IL1R1: variants seen among roughly 807,000 people sequenced by gnomAD.
IL1R1 encodes interleukin-1 receptor type 1.
Under a neutral mutation model 50.2 loss-of-function variants are expected in IL1R1, and 22 were observed. That is an observed-to-expected ratio of 0.44 (90% CI 0.31 to 0.63). IL1R1 has a LOEUF of 0.63. Among genes scored for constraint, IL1R1 ranks in the 20% least tolerant of loss-of-function variants. IL1R1 has a pLI of 0.07. For missense variants in IL1R1, 509 were observed against 676.2 expected, an observed-to-expected ratio of 0.75 and a Z score of 2.74; for synonymous variants, 251 against 236.7, an observed-to-expected ratio of 1.06 and a Z score of -0.55.
At chr2:102,087,922 A>C (rs1396453668) in intron 1 of IL1R1, among the ~76,000 whole-genome samples, 1 of 152,198 alleles carries the variant, frequency 6.6e-6, no homozygotes, top group South Asian at 2.1e-4. Flanking sequence ...TCTTTGCTCA[A>C]CCATAAGAAA....
In IL1R1 at chr2:102,157,717, A is replaced by G. The variant is rs1311761327; in HGVS notation, c.-6-2A>G. 3.8e-6 allele frequency: 6 copies of G among 1,588,574 alleles called. No homozygotes were observed. Among genetic ancestry groups the G allele is most frequent in the Non-Finnish European group, 5.2e-6 (6 of 1,157,796 alleles). ...CTTTCTTTCGTTCCTCCATTTCTCC[A>G]GAAGAATATGAAAGTGTTACTCAGA... On this transcript the variant is annotated splice_acceptor_variant, in intron 2 of 11. Coordinates refer to ENST00000410023, the MANE Select transcript of IL1R1 (RefSeq NM_000877.4). LOFTEE classifies it low-confidence loss of function (5UTR_SPLICE).
chr2:102,073,299 T>G (rs2104267405), intron 1 of IL1R1, among the ~76,000 whole-genome samples: 1 of 152,244 alleles, frequency 6.6e-6, no homozygotes, highest in African/African-American at 2.4e-5. Flanking sequence ...TAAATTCTAC[T>G]GGGGGAGATG....
At chr2:102,088,330 T>A (rs1224854641) in intron 1 of IL1R1, among the ~76,000 whole-genome samples, 1 of 152,186 alleles carries the variant, frequency 6.6e-6, no homozygotes, top group African/African-American at 2.4e-5. Context: ...TTAGCAGGCA[T>A]GAAAAAACAT....
At chr2:102,080,503 G>A (rs561240888) in intron 1 of IL1R1, among the ~76,000 whole-genome samples, 2 of 152,280 alleles carry the variant, frequency 1.3e-5, no homozygotes, top group South Asian at 2.1e-4. Flanking sequence ...ATTAGCAAAC[G>A]CAAAGCAAAA....
At chr2:102,164,711 A>G in intron 3 of IL1R1, 63 bp from the exon 4 acceptor site, 1 of 1,046,232 alleles carries the variant, frequency 9.6e-7, no homozygotes, top group Non-Finnish European at 1.5e-6. Flanking sequence ...CTTCGTAGAT[A>G]TTAAATCAAG....
chr2:102,080,862 ATTATTCAGCCAT>A (rs1679175211), intron 1 of IL1R1, among the ~76,000 whole-genome samples: 1 of 152,240 alleles, frequency 6.6e-6, no homozygotes, highest in South Asian at 2.1e-4. Flanking sequence ...ACAACGGAAT[ATTATTCAGCCAT>A]GGAAAGGAGT....
At chr2:102,092,657 G>T (rs13384777) in intron 1 of IL1R1, among the ~76,000 whole-genome samples, 30,948 of 151,922 alleles carry the variant, frequency 0.2, 3,664 homozygotes, top group East Asian at 0.53. Flanking sequence ...TATAAACTCC[G>T]AGAACAGGGC....
intron 1 of IL1R1, among the ~76,000 whole-genome samples, chr2:102,130,441 C>G (rs1681966524): frequency 6.6e-6 from 1 of 151,956 alleles, no homozygotes; most frequent in African/African-American, 2.4e-5. Context: ...TTAGCTGTCT[C>G]CCTCACTCTT....
Position 102,177,684 on chromosome 2 carries a change from G to C in IL1R1, c.*925G>C, listed in dbSNP as rs201203816. 4 of 152,334 alleles carry C rather than the reference G, an allele frequency of 2.6e-5. No homozygotes were observed. Among genetic ancestry groups the C allele is most frequent in the African/African-American group, 9.7e-5 (4 of 41,442 alleles). 9.4% of individuals were successfully genotyped at this position (152,334 alleles called of 1,614,324 possible). A position where few individuals can be genotyped will look rare whatever the true frequency, so the allele number is the denominator to read the frequency against. On this transcript the variant is annotated 3_prime_UTR_variant, in exon 12 of 12. Coordinates refer to ENST00000410023, the MANE Select transcript of IL1R1 (RefSeq NM_000877.4). ...AGTCATCTTAGCTTTCCACAGGAGG[G>C]AGAGAACTTAAAAAAGCAACAGTAG...
At chr2:102,097,970 A>G (rs1477314925) in intron 1 of IL1R1, among the ~76,000 whole-genome samples, 1 of 152,082 alleles carries the variant, frequency 6.6e-6, no homozygotes, top group African/African-American at 2.4e-5. Context: ...TCCCAGTATA[A>G]GAAAATAAAA....
At chr2:102,092,782 G>T (rs1679730953) in intron 1 of IL1R1, among the ~76,000 whole-genome samples, 1 of 152,144 alleles carries the variant, frequency 6.6e-6, no homozygotes, top group African/African-American at 2.4e-5. Context: ...AGAAAGGATG[G>T]GGGTGGAGCC....
intron 1 of IL1R1, among the ~76,000 whole-genome samples, chr2:102,132,477 T>G (rs1682090314): frequency 6.6e-6 from 1 of 152,110 alleles, no homozygotes; most frequent in Non-Finnish European, 1.5e-5. Flanking sequence ...ATACCTGTTT[T>G]AAAAAGAAGA....
chr2:102,078,327 T>C (rs1251484996), intron 1 of IL1R1, among the ~76,000 whole-genome samples: 2 of 151,876 alleles, frequency 1.3e-5, no homozygotes, highest in African/African-American at 4.8e-5. Context: ...ACTGGACTGA[T>C]CAAAAATTGA....
intron 1 of IL1R1, among the ~76,000 whole-genome samples, chr2:102,122,596 C>A (rs962669958): frequency 1.3e-5 from 2 of 152,050 alleles, no homozygotes; most frequent in African/African-American, 4.8e-5. Context: ...TTTGTTCAAG[C>A]GAAAAATTGT....
At chr2:102,154,778 G>C (rs1684016364) in intron 2 of IL1R1, among the ~76,000 whole-genome samples, 1 of 152,200 alleles carries the variant, frequency 6.6e-6, no homozygotes, top group South Asian at 2.1e-4. Flanking sequence ...ATGCTTCTCT[G>C]CCACCTGCAA....
At chr2:102,123,185 A>C (rs777745806) in intron 1 of IL1R1, among the ~76,000 whole-genome samples, 36 of 152,248 alleles carry the variant, frequency 2.4e-4, no homozygotes, top group Non-Finnish European at 7.3e-5. Flanking sequence ...ATAATGTAAT[A>C]AAATGCCAAA....
chr2:102,119,456 A>G (rs762784910), intron 1 of IL1R1, among the ~76,000 whole-genome samples: 1 of 152,232 alleles, frequency 6.6e-6, no homozygotes, highest in African/African-American at 2.4e-5. Context: ...GATGCCAATG[A>G]TGCAATTTCA....
intron 1 of IL1R1, chr2:102,104,948 T>C (rs1297594269): frequency 1.3e-5 from 2 of 152,174 alleles, no homozygotes; most frequent in East Asian, 3.9e-4. Context: ...TACTTACACA[T>C]TAATGAGGTA....
At chr2:102,116,946 G>T (rs1681108505) in intron 1 of IL1R1, among the ~76,000 whole-genome samples, 1 of 152,052 alleles carries the variant, frequency 6.6e-6, no homozygotes, top group Non-Finnish European at 1.5e-5. Context: ...GACGTGTTTG[G>T]CTGAGTTTGA....
Sources: gnomAD v4.1 joint callset for allele counts (sites outside exome capture counted in the v4.1 genomes callset) on GRCh38, gnomAD v4.1.1 for gene constraint, MANE v1.5 for transcripts, NCBI Gene and HGNC (gene_info 2026-07-23, HGNC 2026-07-21) for gene names.